GALC: variants seen among roughly 807,000 people sequenced by gnomAD.
GALC encodes the protein galactocerebrosidase.
Under a neutral mutation model 91.8 loss-of-function variants are expected in GALC, and 77 were observed. The observed-to-expected ratio is 0.84, with a 90% CI of 0.70 to 1.01. GALC has a LOEUF of 1.01. Among genes scored for constraint, GALC ranks in the 50% least tolerant of loss-of-function variants. The pLI, the probability that GALC is intolerant of heterozygous loss-of-function variation, is 0.00. For synonymous variants in GALC, 357 were observed against 306.7 expected (o/e 1.16, Z -1.71); for missense variants, 882 against 855.9 (o/e 1.03, Z -0.38).
chr14:87,953,233 T>C (rs1389454553), intron 10 of GALC: 2 of 1,504,236 alleles, frequency 1.3e-6, no homozygotes, highest in Non-Finnish European at 1.8e-6. Flanking sequence ...TATAATTACC[T>C]CCAGCCAGGT....
At chr14:87,983,114 C>A (rs542060234) in intron 5 of GALC, among the ~76,000 whole-genome samples, 15 of 151,838 alleles carry the variant, frequency 9.9e-5, no homozygotes, top group African/African-American at 3.6e-4. Context: ...CCGAGGCGGG[C>A]GGATCACGAG....
At chr14:87,977,102 G>A (rs144339114) in intron 6 of GALC, among the ~76,000 whole-genome samples, 1 of 149,770 alleles carries the variant, frequency 6.7e-6, no homozygotes, top group African/African-American at 2.5e-5. Flanking sequence ...ATTTTGCTAT[G>A]CATTCTTCCA....
chr14:87,964,148 G>A (rs1661319), intron 9 of GALC, among the ~76,000 whole-genome samples: 117,168 of 120,856 alleles, frequency 0.97, 57,161 homozygotes, highest in East Asian at 1. Flanking sequence ...TCTAACCTTA[G>A]TTTTCTCATA....
intron 8 of GALC, 21 bp from the exon 9 acceptor site, chr14:87,965,650 G>GA: frequency 6.2e-7 from 1 of 1,612,068 alleles, no homozygotes; most frequent in Non-Finnish European, 8.5e-7. Context: ...TGATAAAAAA[G>GA]AAACACCAAG....
chr14:87,963,264 A>G (rs1029515393), intron 10 of GALC, 120 bp downstream of exon 10: 1 of 1,057,028 alleles, frequency 9.5e-7, no homozygotes, highest in Non-Finnish European at 1.4e-6. Flanking sequence ...AAGCCATAAG[A>G]TCTTGGCATC....
At chr14:87,939,078 G>GA (rs1388311010) in intron 16 of GALC, among the ~76,000 whole-genome samples, 1 of 151,740 alleles carries the variant, frequency 6.6e-6, no homozygotes, top group Admixed American at 6.6e-5. Flanking sequence ...TATGAGTTTG[G>GA]AAAAAATCTT....
chr14:87,947,569 T>G (rs1204264748), intron 13 of GALC, among the ~76,000 whole-genome samples, 159 bp downstream of exon 13: 1 of 152,048 alleles, frequency 6.6e-6, no homozygotes, highest in African/African-American at 2.4e-5. Context: ...CATAAAGTAA[T>G]GCAAAAAATT....
Position 87,956,702 on chromosome 14 carries a change from T to C in GALC, c.1162-5954A>G, listed in dbSNP as rs572077289. Among the ~76,000 whole-genome samples, 10 of 152,048 alleles carry C rather than the reference T, an allele frequency of 6.6e-5. No individual in the cohort carries two copies. In the South Asian group the frequency reaches 2.1e-3, roughly 32 times the overall value. On this transcript the variant is annotated intron_variant, in intron 10 of 16. Transcript: ENST00000261304. ...TTAGGTTGATTCCATATGTTTCAAT[T>C]GTGAATTGTGCTACATAAACATATG...
At chr14:87,950,535 G>A in intron 11 of GALC, 124 bp downstream of exon 11, 1 of 664,796 alleles carries the variant, frequency 1.5e-6, no homozygotes, top group South Asian at 1.8e-5. Context: ...CAGGGCCTCT[G>A]TCAATTCATA....
chr14:87,934,936 G>A (rs1595183841), intron 16 of GALC, 58 bp from the exon 17 acceptor site: 1 of 1,318,724 alleles, frequency 7.6e-7, no homozygotes, highest in East Asian at 2.3e-5. Context: ...TCTGAAGTCT[G>A]TTTCTTGATC....
Position 87,947,861 on chromosome 14 carries a change from G to A in GALC, c.1356C>T (p.Gly452=). 1.9e-6 allele frequency: 3 copies of A among 1,612,422 alleles called. No homozygotes were observed. The highest frequency in any genetic ancestry group is 2.5e-6 in the Non-Finnish European group (3 of 1,178,978). The stretch of plus-strand genomic sequence containing the variant: ...CTTCATGCAGGCTCAGTGTGAAACT[G>A]CCATCGCTGTCAAGGAGCTGAAAAA... ...LDSLWLLDSD[G]SFTLSLHEDE... is the part of the protein sequence containing the mutation. The change falls in exon 13 of 17, where the codon GGC becomes GGT. Residue 452 remains glycine, a synonymous_variant. Coordinates refer to ENST00000261304, the MANE Select transcript of GALC (RefSeq NM_000153.4).
intron 10 of GALC, chr14:87,953,182 G>A: frequency 6.7e-7 from 1 of 1,491,880 alleles, no homozygotes; most frequent in Non-Finnish European, 9.3e-7. Flanking sequence ...AGTTAGGAAG[G>A]TCTCAGACCT....
At chr14:87,960,988 C>CT (rs917319804) in intron 10 of GALC, among the ~76,000 whole-genome samples, 3 of 150,864 alleles carry the variant, frequency 2.0e-5, no homozygotes, top group African/African-American at 4.8e-5. Context: ...CAATTTAAAA[C>CT]TTTTTTTAAT....
upstream of GALC, chr14:87,993,476 CCT>C (rs1419669370): frequency 6.5e-7 from 1 of 1,535,720 alleles, no homozygotes; most frequent in East Asian, 2.4e-5. Flanking sequence ...CATGAGTGGC[CCT>C]ACCATGGCTC....
At chr14:87,971,607 A>G (rs1886296874) in intron 7 of GALC, among the ~76,000 whole-genome samples, 1 of 152,244 alleles carries the variant, frequency 6.6e-6, no homozygotes. Flanking sequence ...TTAATGATAT[A>G]TTTAACCCAA....
At chr14:87,970,109 T>G (rs1886223750) in intron 7 of GALC, among the ~76,000 whole-genome samples, 2 of 152,160 alleles carry the variant, frequency 1.3e-5, no homozygotes, top group African/African-American at 4.8e-5. Context: ...AATTACACTT[T>G]AGATTTATTC....
At chr14:87,954,142 T>C (rs1424853219) in intron 10 of GALC, 4 of 1,607,436 alleles carry the variant, frequency 2.5e-6, no homozygotes, top group Admixed American at 1.7e-5. Context: ...GTTAGTGATG[T>C]TGTACTTCAA....
In GALC at chr14:87,988,496, G is replaced by C. The variant is rs1398608264; in HGVS notation, c.223C>G (p.Pro75Ala). 1 of 1,611,778 alleles carries C rather than the reference G, an allele frequency of 6.2e-7. No individual in the cohort carries two copies. The highest frequency in any genetic ancestry group is 1.3e-5 in the African/African-American group (1 of 74,914). The change falls in exon 2 of 17, where the codon CCA becomes GCA. Residue 75 changes from proline (P) to alanine (A), a missense_variant. By Grantham distance (27) the Pro-to-Ala change is conservative. Coordinates refer to ENST00000261304, the MANE Select transcript of GALC (RefSeq NM_000153.4). ...AATATCTGAGAACGATAGGGCTCTGGGTAATTTACTAGAAGTCGGGAGGTT... is the reference window on the plus strand; with the variant it reads ...AATATCTGAGAACGATAGGGCTCTGCGTAATTTACTAGAAGTCGGGAGGTT... ...GATSRLLVNY[P>A]EPYRSQILDY...
At chr14:87,972,380 A>G (rs1886329234) in intron 7 of GALC, among the ~76,000 whole-genome samples, 1 of 152,078 alleles carries the variant, frequency 6.6e-6, no homozygotes, top group Non-Finnish European at 1.5e-5. Flanking sequence ...GCAAAAAGAG[A>G]GCTTAATTAT....
Sources: allele counts gnomAD v4.1 joint callset (sites outside exome capture counted in the v4.1 genomes callset), GRCh38; gene constraint gnomAD v4.1.1; transcripts MANE v1.5; gene names NCBI Gene and HGNC (gene_info 2026-07-23, HGNC 2026-07-21).